AHNAK: variants seen among roughly 807,000 people sequenced by gnomAD.
AHNAK encodes the protein AHNAK nucleoprotein, also known as neuroblast differentiation-associated protein AHNAK.
In AHNAK, 23 loss-of-function variants were observed where a neutral mutation model predicts 37.8. That is an observed-to-expected ratio of 0.61 (90% CI 0.44 to 0.86). AHNAK has a LOEUF of 0.86. Ranked by LOEUF, AHNAK falls within the 40% of genes least tolerant of loss-of-function variation. The pLI is 0.00. For missense variants in AHNAK, 7,411 were observed against 7,319.4 expected (o/e 1.01, Z -0.46); for synonymous variants, 2,481 against 2,636.3 (o/e 0.94, Z 1.80).
rs1940815391 is a variant in AHNAK, at chr11:62,532,971, C to T, written c.1446G>A (p.Lys482=). ...PEIATGGLEG[K]MKGTKVKTPE... ...GAGTCTTCACTTTAGTACCTTTCAT[C>T]TTTCCTTCCAGCCCACCAGTAGCAA... Residue 482 remains lysine, a synonymous_variant, in exon 5 of 5, where the codon AAG becomes AAA. Coordinates refer to ENST00000378024, the MANE Select transcript of AHNAK (RefSeq NM_001620.3). 6.2e-7 allele frequency: 1 copy of T among 1,614,158 alleles called. No homozygotes were observed. Among genetic ancestry groups the T allele is most frequent in the African/African-American group, 1.3e-5 (1 of 75,026 alleles).
intron 4 of AHNAK, among the ~76,000 whole-genome samples, chr11:62,495,094 G>C (rs1020820257): frequency 1.1e-4 from 17 of 151,888 alleles, no homozygotes; most frequent in Admixed American, 7.2e-4. Flanking sequence ...TGATCTCAGG[G>C]AAGTCAAGGC....
Position 62,524,907 on chromosome 11 carries a change from C to T in AHNAK, c.9510G>A (p.Val3170=). The part of the protein sequence containing the change: ...MPGFKGEGPE[V]DVNLPKADLD... ...GGTCAGCCTTGGGCAGGTTCACGTC[C>T]ACTTCTGGACCTTCTCCTTTGAAGC... is the stretch of plus-strand genomic sequence containing the variant. The change falls in exon 5 of 5, where the codon GTG becomes GTA. Residue 3170 remains valine, a synonymous_variant. Transcript: ENST00000378024. 4 of 1,613,884 alleles carry T rather than the reference C, an allele frequency of 2.5e-6. No homozygotes were observed. Among genetic ancestry groups the T allele is most frequent in the Non-Finnish European group, 3.4e-6 (4 of 1,179,970 alleles).
In AHNAK at chr11:62,476,383, A is replaced by G. The variant is rs564293190; in HGVS notation, c.442+15349T>C. Among the ~76,000 whole-genome samples the G allele has an allele frequency of 1.2e-3, 177 of 152,250 alleles. 2 individuals carry two copies. Among genetic ancestry groups the G allele is most frequent in the Admixed American group, 2.6e-3 (40 of 15,278 alleles). On this transcript the variant is annotated intron_variant, in intron 5 of 5. Transcript: ENST00000257247. Reference sequence around the variant, plus strand: ...CACCCTGCCTGGGCGACAGAGCAAGACTCCGTCTCAAAAAAAAGTTTTGCA... The same window carrying G: ...CACCCTGCCTGGGCGACAGAGCAAGGCTCCGTCTCAAAAAAAAGTTTTGCA...
At chr11:62,510,920 TA>T (rs200380735), downstream of AHNAK, among the ~76,000 whole-genome samples, 3 of 150,964 alleles carry the variant, frequency 2.0e-5, no homozygotes, top group African/African-American at 7.3e-5. Context: ...AAATACACTT[TA>T]AAAAAAAAGA....
At chr11:62,539,395 G>A (rs1941053649) in intron 1 of AHNAK, among the ~76,000 whole-genome samples, 1 of 152,246 alleles carries the variant, frequency 6.6e-6, no homozygotes, top group South Asian at 2.1e-4. Flanking sequence ...CCAGCGAGGG[G>A]GAAAGAGCTA....
chr11:62,543,744 C>T (rs1941207184), intron 1 of AHNAK, among the ~76,000 whole-genome samples: 1 of 152,176 alleles, frequency 6.6e-6, no homozygotes, highest in South Asian at 2.1e-4. Context: ...CTGGATGAAT[C>T]GATGGGGGAC....
Position 62,534,026 on chromosome 11 carries a change from G to GC in AHNAK, c.390dup (p.Pro131AlafsTer47). Reference sequence around the variant, plus strand: ...ACTCCATCTTCCGACTTCAGCCGTGGCTTGATCTTCGTGGTGTAGATGCGC... The same window carrying GC: ...ACTCCATCTTCCGACTTCAGCCGTGGCCTTGATCTTCGTGGTGTAGATGCGC... On this transcript the variant is annotated frameshift_variant, in exon 5 of 5. Coordinates refer to ENST00000378024, the MANE Select transcript of AHNAK (RefSeq NM_001620.3). LOFTEE classifies it low-confidence loss of function (END_TRUNC). 1 of 1,579,638 alleles carries GC rather than the reference G, an allele frequency of 6.3e-7. No individual in the cohort carries two copies. The highest frequency in any genetic ancestry group is 8.6e-7 in the Non-Finnish European group (1 of 1,161,576).
chr11:62,522,740 C>T lies in AHNAK; in HGVS notation c.11677G>A (p.Val3893Met). The change falls in exon 5 of 5, where the codon GTG (valine) becomes ATG (methionine). Residue 3893 changes from valine to methionine, a missense_variant. Coordinates refer to ENST00000378024, the MANE Select transcript of AHNAK (RefSeq NM_001620.3). The part of the protein sequence containing the change: ...KGPKVKGDMD[V>M]SLPKVEGDMQ... ...TCACCTTCCACTTTTGGCAGAGACA[C>T]ATCCATATCACCCTTCACTTTGGGT... 3.7e-6 allele frequency: 6 copies of T among 1,613,606 alleles called. No individual in the cohort carries two copies. The highest frequency in any genetic ancestry group is 5.1e-6 in the Non-Finnish European group (6 of 1,179,956).
intron 4 of AHNAK, among the ~76,000 whole-genome samples, chr11:62,503,017 T>C (rs1431645034): frequency 6.6e-6 from 1 of 152,206 alleles, no homozygotes; most frequent in African/African-American, 2.4e-5. Context: ...CTATGTACAG[T>C]TCACGCTGGC....
intron 1 of AHNAK, among the ~76,000 whole-genome samples, chr11:62,543,896 T>G (rs919961978): frequency 1.3e-5 from 2 of 152,168 alleles, no homozygotes; most frequent in African/African-American, 4.8e-5. Flanking sequence ...GAGAGAAACT[T>G]TGGGGCCTCG....
At chr11:62,542,673 G>A (rs1315845937) in intron 1 of AHNAK, among the ~76,000 whole-genome samples, 1 of 152,196 alleles carries the variant, frequency 6.6e-6, no homozygotes. Flanking sequence ...CTGGCCAGGA[G>A]GGACTCTGCA....
chr11:62,511,410 G>A (rs566829134), downstream of AHNAK, among the ~76,000 whole-genome samples: 10 of 152,106 alleles, frequency 6.6e-5, no homozygotes, highest in Admixed American at 3.3e-4. Context: ...GTGCCACCAC[G>A]TCCAGCTAAT....
Position 62,531,826 on chromosome 11 carries a change from G to C in AHNAK, c.2591C>G (p.Pro864Arg), listed in dbSNP as rs1940761923. 6 of 1,613,630 alleles carry C rather than the reference G, an allele frequency of 3.7e-6. No individual in the cohort carries two copies. The highest frequency in any genetic ancestry group is 5.1e-6 in the Non-Finnish European group (6 of 1,179,972). Residue 864 changes from proline to arginine, a missense_variant, in exon 5 of 5, where the codon CCA becomes CGA. By Grantham distance (103) the Pro-to-Arg change is moderately radical (BLOSUM62 -2). Coordinates refer to ENST00000378024, the MANE Select transcript of AHNAK (RefSeq NM_001620.3). ...GTCTGGGCCTTGAACCTCCACATCT[G>C]GGACATCAATGTCCATTTTGGCACT... Reference protein sequence around the residue: ...LKSAKMDIDVPDVEVQGPDWH... With the variant: ...LKSAKMDIDVRDVEVQGPDWH...
rs1940726101 is a variant in AHNAK, at chr11:62,531,065, G to C, written c.3352C>G (p.Gln1118Glu). The change falls in exon 5 of 5, where the codon CAA (glutamine) becomes GAA (glutamate). Residue 1118 changes from glutamine (Q) to glutamate (E), a missense_variant. Transcript: ENST00000378024. The part of the protein sequence containing the change: ...VDIKAPDVEG[Q>E]GLDWSLKIPK... ...ATTTTCAGGCTCCAGTCCAGGCCTT[G>C]GCCTTCCACATCTGGTGCTTTAATA... is the stretch of plus-strand genomic sequence containing the variant. 2.5e-6 allele frequency: 4 copies of C among 1,613,642 alleles called. No individual in the cohort carries two copies. The African/African-American group carries it at 5.4e-5, about 22-fold the overall frequency.
chr11:62,519,955 G>A lies in AHNAK; in HGVS notation c.14462C>T (p.Pro4821Leu), dbSNP rs752015650. 2.5e-6 allele frequency: 4 copies of A among 1,613,794 alleles called. No homozygotes were observed. The highest frequency in any genetic ancestry group is 1.7e-4 in the Middle Eastern group (1 of 6,056). Residue 4821 changes from proline to leucine, a missense_variant, in exon 5 of 5, where the codon CCA becomes CTA. Transcript: ENST00000378024. The part of the protein sequence containing the change: ...VSGPKVDVDI[P>L]DVNIEGPDAK... Reference sequence around the variant, plus strand: ...GTCTGGACCTTCGATATTCACATCTGGAATATCAACGTCCACCTTGGGTCC... The same window carrying A: ...GTCTGGACCTTCGATATTCACATCTAGAATATCAACGTCCACCTTGGGTCC...
intron 5 of AHNAK, among the ~76,000 whole-genome samples, chr11:62,468,772 G>A (rs540840299): frequency 6.6e-6 from 1 of 152,280 alleles, no homozygotes; most frequent in South Asian, 2.1e-4. Context: ...GCAACATAGT[G>A]AGACCCCATC....
rs749930190 is a variant in AHNAK at position 62,530,268 on chromosome 11, G to A, written c.4149C>T (p.Pro1383=). The A allele has an allele frequency of 3.7e-6, 6 of 1,612,258 alleles. No individual in the cohort carries two copies. The highest frequency in any genetic ancestry group is 1.7e-5 in the Admixed American group (1 of 59,784). ...TGCTGAACTTGGGCATTTTCACCTT[G>A]GGCATCTTCAGGTGCCAATCTGGGC... ...VHGPDWHLKM[P]KVKMPKFSMP... Residue 1383 remains proline, a synonymous_variant, in exon 5 of 5, where the codon CCC becomes CCT. Transcript: ENST00000378024.
intron 5 of AHNAK, among the ~76,000 whole-genome samples, chr11:62,472,978 G>T (rs191268411): frequency 6.7e-6 from 1 of 148,656 alleles, no homozygotes; most frequent in African/African-American, 2.5e-5. Context: ...CCAGCTACTC[G>T]GGAGGCTGAG....
chr11:62,542,989 T>C (rs1371544217), intron 1 of AHNAK, among the ~76,000 whole-genome samples: 1 of 152,016 alleles, frequency 6.6e-6, no homozygotes, highest in East Asian at 1.9e-4. Flanking sequence ...CCGCTCCGGC[T>C]CTGTCGCTGA....
Sources: allele counts gnomAD v4.1 joint callset (sites outside exome capture counted in the v4.1 genomes callset), GRCh38; gene constraint gnomAD v4.1.1; transcripts MANE v1.5; gene names NCBI Gene and HGNC (gene_info 2026-07-23, HGNC 2026-07-21).